GPD2: variants seen among roughly 807,000 people sequenced by gnomAD.
GPD2 encodes glycerol-3-phosphate dehydrogenase, mitochondrial.
Under a neutral mutation model 82.4 loss-of-function variants are expected in GPD2, and 54 were observed. The observed-to-expected ratio is 0.66, with a 90% CI of 0.53 to 0.82. GPD2 has a LOEUF of 0.82. Ranked by LOEUF, GPD2 falls within the 40% of genes least tolerant of loss-of-function variation. The pLI is 0.00. For synonymous variants in GPD2, 288 were observed against 306.1 expected (o/e 0.94, Z 0.62); for missense variants, 748 against 896.2 (o/e 0.83, Z 2.11).
the GPD2 span, among the ~76,000 whole-genome samples, chr2:156,409,014 C>A: frequency 6.6e-6 from 1 of 152,150 alleles, no homozygotes; most frequent in Non-Finnish European, 1.5e-5. Flanking sequence ...GACAGAGAGA[C>A]ACGCATACCA....
chr2:156,554,120 C>A (rs1367874935), intron 8 of GPD2, among the ~76,000 whole-genome samples: 1 of 152,190 alleles, frequency 6.6e-6, no homozygotes, highest in East Asian at 1.9e-4. Context: ...TCAGGACTGA[C>A]CTTGAGGCAA....
At chr2:156,520,632 CA>C (rs539554837) in intron 6 of GPD2, among the ~76,000 whole-genome samples, 41 of 151,232 alleles carry the variant, frequency 2.7e-4, no homozygotes, top group Non-Finnish European at 5.2e-4. Flanking sequence ...GTCGCTCAAG[CA>C]GGGTCCAGTG....
intron 6 of GPD2, among the ~76,000 whole-genome samples, chr2:156,527,032 C>T (rs533392538): frequency 6.6e-6 from 1 of 151,960 alleles, no homozygotes; most frequent in Non-Finnish European, 1.5e-5. Flanking sequence ...GGAGTCTTTG[C>T]CCAGATACCT....
In GPD2 at chr2:156,493,599, T is replaced by G. The variant is rs151135590; in HGVS notation, c.103-2445T>G. On this transcript the variant is annotated intron_variant, in intron 2 of 16. Coordinates refer to ENST00000438166, the MANE Select transcript of GPD2 (RefSeq NM_000408.5). ...GATGAAGGGAAAACTCAGTCAAGAT[T>G]AATGTTCACAGTTAGAGTAGAATAG... Among the ~76,000 whole-genome samples, 971 of 152,264 alleles carry G rather than the reference T, an allele frequency of 6.4e-3. 3 individuals are homozygous for G. Among genetic ancestry groups the G allele is most frequent in the Middle Eastern group, 0.034 (10 of 294 alleles).
intron 6 of GPD2, among the ~76,000 whole-genome samples, chr2:156,524,022 C>G (rs1685515086): frequency 6.6e-6 from 1 of 152,074 alleles, no homozygotes; most frequent in South Asian, 2.1e-4. Flanking sequence ...GGCACATGTA[C>G]AGGTTTGTTA....
chr2:156,553,090 T>C (rs924484864), intron 8 of GPD2, among the ~76,000 whole-genome samples: 2 of 151,902 alleles, frequency 1.3e-5, no homozygotes, highest in Non-Finnish European at 2.9e-5. Flanking sequence ...GGTTTCACCA[T>C]GTTGGCCAGG....
In GPD2 at chr2:156,502,252, G is replaced by A. The variant is rs192229995; in HGVS notation, c.274+6037G>A. Reference sequence around the variant, plus strand: ...TAAATTTTTTTTAAAAATTGGGTAGGAAAGGTGTTTTTAAGTATGACAGCA... The same window carrying A: ...TAAATTTTTTTTAAAAATTGGGTAGAAAAGGTGTTTTTAAGTATGACAGCA... On this transcript the variant is annotated intron_variant, in intron 3 of 16. Transcript: ENST00000438166. 2.6e-5 allele frequency among the ~76,000 whole-genome samples: 4 copies of A among 152,158 alleles called. No individual in the cohort carries two copies. The East Asian group carries it at 7.7e-4, about 29-fold the overall frequency.
intron 6 of GPD2, among the ~76,000 whole-genome samples, chr2:156,523,787 T>C (rs1685506221): frequency 6.6e-6 from 1 of 152,234 alleles, no homozygotes; most frequent in South Asian, 2.1e-4. Context: ...CAAGTGATCC[T>C]CCCACCTTGG....
At chr2:156,451,589 C>G (rs928496820) in intron 1 of GPD2, among the ~76,000 whole-genome samples, 2 of 144,494 alleles carry the variant, frequency 1.4e-5, no homozygotes, top group Non-Finnish European at 3.0e-5. Flanking sequence ...ACCTCCTTCC[C>G]GGACAGGGCG....
the GPD2 span, among the ~76,000 whole-genome samples, chr2:156,404,948 G>GA: frequency 6.6e-6 from 1 of 152,082 alleles, no homozygotes; most frequent in Non-Finnish European, 1.5e-5. Context: ...AAATTTTTAG[G>GA]ACACATTCCC....
the GPD2 span, among the ~76,000 whole-genome samples, chr2:156,416,004 G>T: frequency 1.0e-5 from 1 of 95,590 alleles, no homozygotes; most frequent in East Asian, 3.4e-4. Flanking sequence ...CTGGGCGACA[G>T]AGCGAGACTC....
intron 13 of GPD2, among the ~76,000 whole-genome samples, chr2:156,577,102 A>G (rs1228357637): frequency 6.6e-6 from 1 of 152,226 alleles, no homozygotes; most frequent in Non-Finnish European, 1.5e-5. Context: ...ATAATTTTTA[A>G]TTTTGTTATT....
chr2:156,499,986 T>C (rs1414918893), intron 3 of GPD2, among the ~76,000 whole-genome samples: 1 of 152,090 alleles, frequency 6.6e-6, no homozygotes, highest in East Asian at 1.9e-4. Flanking sequence ...TCTGTAGTGA[T>C]CAAGGTATTA....
intron 6 of GPD2, among the ~76,000 whole-genome samples, chr2:156,514,816 A>G (rs377545925): frequency 6.6e-6 from 1 of 152,158 alleles, no homozygotes; most frequent in African/African-American, 2.4e-5. Context: ...GATTGAGTCT[A>G]CATGTTAAAG....
At chr2:156,555,498 G>A (rs3769370) in intron 8 of GPD2, among the ~76,000 whole-genome samples, 17 of 151,962 alleles carry the variant, frequency 1.1e-4, no homozygotes, top group Non-Finnish European at 2.5e-4. Flanking sequence ...CATATAATTC[G>A]TTTATCAATT....
intron 13 of GPD2, among the ~76,000 whole-genome samples, chr2:156,573,997 C>T (rs976175329): frequency 1.3e-5 from 2 of 152,130 alleles, no homozygotes; most frequent in African/African-American, 4.8e-5. Context: ...TAGGAGAATA[C>T]TAAATAGCTC....
rs1453139100 is a variant in GPD2, at chr2:156,582,833, G to A, written c.2099G>A (p.Arg700Gln). 5.0e-6 allele frequency: 8 copies of A among 1,612,830 alleles called. No homozygotes were observed. Among genetic ancestry groups the A allele is most frequent in the East Asian group, 2.2e-5 (1 of 44,862 alleles). Reference protein sequence around the residue: ...AIQKGRVSGSRLAILMKTAEE... With the variant: ...AIQKGRVSGSQLAILMKTAEE... ...CAAAAAGGAAGGGTATCTGGAAGCC[G>A]GCTTGCTATACTAATGAAAACTGCA... is the stretch of plus-strand genomic sequence containing the variant. The change falls in exon 17 of 17, where the codon CGG becomes CAG. Residue 700 changes from arginine (R) to glutamine (Q), a missense_variant. Physicochemically the swap from Arg to Gln is conservative, Grantham distance 43. Coordinates refer to ENST00000438166, the MANE Select transcript of GPD2 (RefSeq NM_000408.5).
At chr2:156,451,590 G>A (rs1682586946) in intron 1 of GPD2, among the ~76,000 whole-genome samples, 1 of 142,696 alleles carries the variant, frequency 7.0e-6, no homozygotes, top group Non-Finnish European at 1.5e-5. Context: ...CCTCCTTCCC[G>A]GACAGGGCGG....
intron 6 of GPD2, among the ~76,000 whole-genome samples, chr2:156,514,597 C>T (rs959731597): frequency 6.6e-6 from 1 of 151,924 alleles, no homozygotes; most frequent in African/African-American, 2.4e-5. Context: ...ACCAATTCAG[C>T]TGTCAGGCTT....
Sources: gnomAD v4.1 joint callset for allele counts (sites outside exome capture counted in the v4.1 genomes callset) on GRCh38, gnomAD v4.1.1 for gene constraint, MANE v1.5 for transcripts, NCBI Gene and HGNC (gene_info 2026-07-23, HGNC 2026-07-21) for gene names.